The following ACOT12 variants were observed in gnomAD, a reference collection of about 807,000 sequenced individuals.
The protein encoded by ACOT12 is acyl-CoA thioesterase 12.
ACOT12 carries 51 observed loss-of-function variants against 67.7 expected under a neutral mutation model. The ratio of observed to expected loss-of-function variants is 0.75; its 90% CI spans 0.60 to 0.95. ACOT12 has a LOEUF of 0.95. Ranked by LOEUF, ACOT12 falls within the 40% of genes least tolerant of loss-of-function variation. The pLI, the probability that ACOT12 is intolerant of heterozygous loss-of-function variation, is 0.00. For synonymous variants in ACOT12, 251 were observed against 244.6 expected, an observed-to-expected ratio of 1.03 and a Z score of -0.24; for missense variants, 734 against 708.1, an observed-to-expected ratio of 1.04 and a Z score of -0.41.
At chr5:81,310,216 A>G in the ACOT12 span, among the ~76,000 whole-genome samples, 2 of 151,154 alleles carry the variant, frequency 1.3e-5, no homozygotes. Context: ...CATAGATGTG[A>G]AAATTTGGCC....
chr5:81,374,859 G>A (rs774434580), intron 2 of ACOT12, among the ~76,000 whole-genome samples: 3 of 152,148 alleles, frequency 2.0e-5, no homozygotes, highest in Admixed American at 1.3e-4. Context: ...CTAAATCTAC[G>A]TTGGTTTGGT....
the ACOT12 span, among the ~76,000 whole-genome samples, chr5:81,319,646 G>T: frequency 1.3e-5 from 2 of 151,936 alleles, no homozygotes; most frequent in Non-Finnish European, 2.9e-5. Context: ...GAACCCGGGA[G>T]GTGGAGGTTG....
chr5:81,377,910 C>G (rs1760468167), intron 2 of ACOT12, among the ~76,000 whole-genome samples: 1 of 152,144 alleles, frequency 6.6e-6, no homozygotes, highest in African/African-American at 2.4e-5. Context: ...GGCCATACTG[C>G]CCAAAGTAAT....
At chr5:81,387,342 A>G (rs1183997587) in intron 1 of ACOT12, among the ~76,000 whole-genome samples, 1 of 152,094 alleles carries the variant, frequency 6.6e-6, no homozygotes, top group African/African-American at 2.4e-5. Flanking sequence ...AGCCATAGTC[A>G]GTACCCTTTT....
chr5:81,340,180 G>T (rs1759147902), intron 11 of ACOT12, among the ~76,000 whole-genome samples: 1 of 151,652 alleles, frequency 6.6e-6, no homozygotes, highest in African/African-American at 2.4e-5. Context: ...TGAGATTACA[G>T]GTGCCCGCCA....
intron 11 of ACOT12, among the ~76,000 whole-genome samples, chr5:81,341,762 A>C (rs1354685056): frequency 9.9e-5 from 15 of 152,162 alleles, no homozygotes. Context: ...TTATGATCCA[A>C]ATGATGTATG....
the ACOT12 span, among the ~76,000 whole-genome samples, chr5:81,322,992 C>G: frequency 6.8e-6 from 1 of 146,346 alleles, no homozygotes; most frequent in Non-Finnish European, 1.5e-5. Context: ...GGTGGGGACA[C>G]AGCAAAAGCA....
Position 81,344,193 on chromosome 5 carries a change from C to A in ACOT12, c.947G>T (p.Gly316Val). 6.2e-7 allele frequency: 1 copy of A among 1,613,508 alleles called. No individual in the cohort carries two copies. Among genetic ancestry groups the A allele is most frequent in the Non-Finnish European group, 8.5e-7 (1 of 1,179,730 alleles). Residue 316 changes from glycine (G) to valine (V), a missense_variant, in exon 9 of 15, where the codon GGA becomes GTA. Coordinates refer to ENST00000307624, the MANE Select transcript of ACOT12 (RefSeq NM_130767.3). ...GCGAATTCGCTTGCGTGCAATAGCT[C>A]CCCGATAGCGTCTGAAATCATCCTT... ...ISKDDFRRYR[G>V]AIARKRIRLG...
In ACOT12 at chr5:81,345,027, A is replaced by G. The variant is rs759913853; in HGVS notation, c.788T>C (p.Val263Ala). The G allele has an allele frequency of 6.2e-7, 1 of 1,614,050 alleles. No individual in the cohort carries two copies. Among genetic ancestry groups the G allele is most frequent in the Admixed American group, 1.7e-5 (1 of 60,010 alleles). ...CTGACAGTCAAAGGCCTCCACGCGA[A>G]CTCCAACTTCAACACTGTGAAGGGT... The part of the protein sequence containing the change: ...NTFQTCVEVG[V>A]RVEAFDCQEW... Residue 263 changes from valine (V) to alanine (A), a missense_variant, in exon 8 of 15, where the codon GTT becomes GCT. Transcript: ENST00000307624.
chr5:81,334,380 T>C (rs1265148863), intron 12 of ACOT12, among the ~76,000 whole-genome samples: 1 of 152,178 alleles, frequency 6.6e-6, no homozygotes, highest in Non-Finnish European at 1.5e-5. Flanking sequence ...CAACCCTAGA[T>C]GCTGCCGTGG....
At chr5:81,309,054 C>T in the ACOT12 span, 985 of 1,548,890 alleles carry the variant, frequency 6.4e-4, 1 homozygote, top group Non-Finnish European at 8.2e-4. Flanking sequence ...TACTGTTACC[C>T]TCATATAGCA....
chr5:81,320,389 G>A, the ACOT12 span, among the ~76,000 whole-genome samples: 1 of 152,202 alleles, frequency 6.6e-6, no homozygotes, highest in South Asian at 2.1e-4. Flanking sequence ...GAGTGAATGG[G>A]ACATAAGCTT....
chr5:81,393,157 A>G (rs1222840651), intron 1 of ACOT12, among the ~76,000 whole-genome samples: 1 of 152,196 alleles, frequency 6.6e-6, no homozygotes, highest in East Asian at 1.9e-4. Flanking sequence ...AGGGTGTGGT[A>G]GCAGCAGGGT....
chr5:81,335,844 C>A lies in ACOT12; in HGVS notation c.1186G>T (p.Val396Leu). The change falls in exon 12 of 15, where the codon GTG becomes TTG. Residue 396 changes from valine to leucine, a missense_variant. Coordinates refer to ENST00000307624, the MANE Select transcript of ACOT12 (RefSeq NM_130767.3). ...DVLSVWVEKH[V>L]GSPAHLAYRL... Reference sequence around the variant, plus strand: ...TAAGCCAAATGTGCTGGACTTCCCACGTGCTTTTCAACCCAAACAGATAAA... The same window carrying A: ...TAAGCCAAATGTGCTGGACTTCCCAAGTGCTTTTCAACCCAAACAGATAAA... The A allele has an allele frequency of 6.2e-7, 1 of 1,614,086 alleles. No individual in the cohort carries two copies. Among genetic ancestry groups the A allele is most frequent in the Non-Finnish European group, 8.5e-7 (1 of 1,179,966 alleles).
chr5:81,370,049 A>G (rs549384592), intron 3 of ACOT12, among the ~76,000 whole-genome samples: 5 of 152,202 alleles, frequency 3.3e-5, no homozygotes, highest in Non-Finnish European at 7.3e-5. Context: ...TTGGGAGGCC[A>G]AGGTGGGCAG....
rs1760710209 is a variant in ACOT12, at chr5:81,385,786, C to T, written c.168G>A (p.Val56=). 6.2e-7 allele frequency: 1 copy of T among 1,613,980 alleles called. No individual in the cohort carries two copies. Reference sequence around the variant, plus strand: ...CTGTCTCCTCAAACTGTATGTCATCCACTGAGGCTGTAACGCAGGAAACTC... The same window carrying T: ...CTGTCTCCTCAAACTGTATGTCATCTACTGAGGCTGTAACGCAGGAAACTC... The part of the protein sequence containing the change: ...HAGVSCVTAS[V]DDIQFEETAR... The change falls in exon 2 of 15, where the codon GTG becomes GTA. Residue 56 remains valine (V), a synonymous_variant. Transcript: ENST00000307624.
rs1175193270 is a variant in ACOT12, at chr5:81,360,002, C to T, written c.397G>A (p.Asp133Asn). ...GCAGCCAGATTATGTTCCACATGAT[C>T]TTGTTCAGTTAGAAGTGTGACTGGT... is the stretch of plus-strand genomic sequence containing the variant. ...LKPVTLLTEQ[D>N]HVEHNLAAER... Residue 133 changes from aspartate (D) to asparagine (N), a missense_variant, in exon 5 of 15, where the codon GAT becomes AAT. Transcript: ENST00000307624. 8 of 1,611,904 alleles carry T rather than the reference C, an allele frequency of 5.0e-6. No homozygotes were observed. The highest frequency in any genetic ancestry group is 6.8e-6 in the Non-Finnish European group (8 of 1,179,524).
chr5:81,386,268 G>A (rs562940336), intron 1 of ACOT12, among the ~76,000 whole-genome samples: 11 of 152,274 alleles, frequency 7.2e-5, no homozygotes, highest in African/African-American at 1.9e-4. Flanking sequence ...GCACTTGAGC[G>A]GTATGGGAAA....
At chr5:81,331,101 A>G (rs981261111) in intron 13 of ACOT12, among the ~76,000 whole-genome samples, 161 bp from the exon 14 acceptor site, 3 of 152,250 alleles carry the variant, frequency 2.0e-5, no homozygotes, top group Non-Finnish European at 4.4e-5. Flanking sequence ...TCTACAGGCT[A>G]CCTTCAAGGT....
Sources: gnomAD v4.1 joint callset for allele counts (sites outside exome capture counted in the v4.1 genomes callset) on GRCh38, gnomAD v4.1.1 for gene constraint, MANE v1.5 for transcripts, NCBI Gene and HGNC (gene_info 2026-07-23, HGNC 2026-07-21) for gene names.